The following DDX60 variants were observed in gnomAD, a reference collection of about 807,000 sequenced individuals.
The protein encoded by DDX60 is probable ATP-dependent RNA helicase DDX60.
A neutral mutation model predicts 212.8 loss-of-function variants in DDX60; 165 were observed. The observed-to-expected ratio is 0.78, with a 90% CI of 0.68 to 0.88. The LOEUF is 0.88. Ranked by LOEUF, DDX60 falls within the 40% of genes least tolerant of loss-of-function variation. The probability of loss-of-function intolerance (pLI) is 0.00; values close to 1 mark genes in which losing one functional copy is unlikely to be tolerated. For missense variants in DDX60, 1,905 were observed against 2,003.9 expected (o/e 0.95, Z 0.94); for synonymous variants, 703 against 685.3 (o/e 1.03, Z -0.40).
Position 168,264,460 on chromosome 4 carries a change from A to G in DDX60, c.3040-1673T>C, listed in dbSNP as rs569836161. Among the ~76,000 whole-genome samples, 14 of 152,298 alleles carry G rather than the reference A, an allele frequency of 9.2e-5. No individual in the cohort carries two copies. The South Asian group carries it at 2.7e-3, about 29-fold the overall frequency. On this transcript the variant is annotated intron_variant, in intron 22 of 37. Coordinates refer to ENST00000393743, the MANE Select transcript of DDX60 (RefSeq NM_017631.6). ...TGTTAGGTATTACTTGAAAGTGGTT[A>G]CTTATTCGACCTATCTAAAATAAAA...
At chr4:168,239,351 A>G (rs890280262) in intron 30 of DDX60, among the ~76,000 whole-genome samples, 1 of 151,594 alleles carries the variant, frequency 6.6e-6, no homozygotes, top group African/African-American at 2.4e-5. Flanking sequence ...GGTAGATAGC[A>G]GATAGCAGAG....
rs750085737 is a variant in DDX60, at chr4:168,306,707, G to A, written c.278C>T (p.Ala93Val). 6.8e-6 allele frequency: 11 copies of A among 1,609,854 alleles called. No individual in the cohort carries two copies. Among genetic ancestry groups the A allele is most frequent in the East Asian group, 2.2e-5 (1 of 44,806 alleles). Residue 93 changes from alanine to valine, a missense_variant, in exon 5 of 38, where the codon GCG becomes GTG. Transcript: ENST00000393743. ...AAGAAGTTCAGGGAAGTTGAAATAC[G>A]CATACTCGGCATCCTGTGGAGGAGG... ...TIVFFKDAEY[A>V]YFNFPELLSL...
chr4:168,218,080 CATCTT>C (rs1302817279), intron 37 of DDX60, among the ~76,000 whole-genome samples: 1 of 152,192 alleles, frequency 6.6e-6, no homozygotes, highest in Non-Finnish European at 1.5e-5. Context: ...CATGATCTGA[CATCTT>C]ATCAGCCTTT....
chr4:168,236,410 G>A, intron 32 of DDX60, 37 bp from the exon 33 acceptor site: 1 of 1,526,100 alleles, frequency 6.6e-7, no homozygotes, highest in South Asian at 1.2e-5. Context: ...AAATATGAAA[G>A]GGTATAATTC....
intron 6 of DDX60, among the ~76,000 whole-genome samples, chr4:168,299,053 C>G (rs1015968905): frequency 1.4e-5 from 2 of 147,536 alleles, no homozygotes; most frequent in Non-Finnish European, 3.0e-5. Context: ...CCCAGCTACT[C>G]GGAAGGCTGA....
chr4:168,272,853 T>A (rs925027188), intron 18 of DDX60, among the ~76,000 whole-genome samples: 21 of 152,348 alleles, frequency 1.4e-4, no homozygotes, highest in African/African-American at 4.8e-4. Context: ...TGTGAGTTCA[T>A]AAGGGTGAAA....
At chr4:168,279,368 C>T (rs1449123813) in intron 14 of DDX60, among the ~76,000 whole-genome samples, 1 of 152,208 alleles carries the variant, frequency 6.6e-6, no homozygotes, top group Non-Finnish European at 1.5e-5. Context: ...CCTCCAAATA[C>T]AAACTCACTG....
intron 7 of DDX60, among the ~76,000 whole-genome samples, chr4:168,292,893 T>C (rs1736171692): frequency 6.6e-6 from 1 of 152,230 alleles, no homozygotes; most frequent in Non-Finnish European, 1.5e-5. Context: ...CTATGTCTAG[T>C]TATGAAGAAA....
intron 33 of DDX60, 102 bp downstream of exon 33, chr4:168,236,150 A>G: frequency 9.1e-7 from 1 of 1,101,142 alleles, no homozygotes; most frequent in Non-Finnish European, 1.3e-6. Flanking sequence ...AAAACAAATG[A>G]ACTGCCCTTT....
intron 10 of DDX60, among the ~76,000 whole-genome samples, chr4:168,286,485 A>T (rs1051346101): frequency 6.0e-5 from 9 of 149,874 alleles, no homozygotes; most frequent in African/African-American, 2.2e-4. Context: ...ATGATAATAG[A>T]CAAATGAATG....
chr4:168,270,875 CTTTTTTT>C (rs759054592), intron 19 of DDX60, among the ~76,000 whole-genome samples: 1 of 110,880 alleles, frequency 9.0e-6, no homozygotes, highest in Non-Finnish European at 1.8e-5. Context: ...TTCTTTCTTT[CTTTTTTT>C]TTTTTTTTTT....
chr4:168,285,395 C>T lies in DDX60; in HGVS notation c.1443G>A (p.Lys481=). The change falls in exon 11 of 38, where the codon AAG becomes AAA. Residue 481 remains lysine (K), a splice_region_variant and synonymous_variant. Coordinates refer to ENST00000393743, the MANE Select transcript of DDX60 (RefSeq NM_017631.6). ...AGGCACAGTTTTTGGCCTTATACCT[C>T]TTTAGAAAAGGCAAATCTTTCAAAA... ...GDILKDLPFL[K]SDDPIVTSLV... is the part of the protein sequence containing the mutation. 2 of 1,604,346 alleles carry T rather than the reference C, an allele frequency of 1.2e-6. No homozygotes were observed. The highest frequency in any genetic ancestry group is 2.2e-5 in the South Asian group (2 of 89,790).
chr4:168,273,488 G>T, intron 17 of DDX60, 90 bp from the exon 18 acceptor site: 1 of 1,500,840 alleles, frequency 6.7e-7, no homozygotes, highest in Non-Finnish European at 9.1e-7. Flanking sequence ...AGTGTGTCCT[G>T]CTTTCAGTGC....
chr4:168,281,817 T>C (rs1469222354), intron 13 of DDX60, among the ~76,000 whole-genome samples: 2 of 152,200 alleles, frequency 1.3e-5, no homozygotes, highest in African/African-American at 4.8e-5. Context: ...CAAATAATTC[T>C]AATCAATAAT....
At chr4:168,296,585 G>T (rs1014368237) in intron 6 of DDX60, among the ~76,000 whole-genome samples, 15 of 152,024 alleles carry the variant, frequency 9.9e-5, no homozygotes, top group African/African-American at 3.6e-4. Context: ...CAAGCTGGCA[G>T]AAAAAGATAA....
intron 27 of DDX60, 49 bp from the exon 28 acceptor site, chr4:168,251,155 T>C (rs780346564): frequency 4.0e-6 from 6 of 1,518,642 alleles, no homozygotes; most frequent in Non-Finnish European, 5.3e-6. Context: ...TTAATTATAA[T>C]TAAAAATGTC....
chr4:168,274,643 T>C (rs913341471), intron 16 of DDX60, among the ~76,000 whole-genome samples: 8 of 151,988 alleles, frequency 5.3e-5, no homozygotes, highest in African/African-American at 1.5e-4. Context: ...ATCAGAAGAG[T>C]TACAATGTGA....
chr4:168,298,039 A>G (rs1034634099), intron 6 of DDX60, among the ~76,000 whole-genome samples: 1 of 151,896 alleles, frequency 6.6e-6, no homozygotes, highest in South Asian at 2.1e-4. Context: ...TCAGAAACCA[A>G]ATAGTGAAAG....
At chr4:168,233,894 T>C (rs1396464952) in intron 33 of DDX60, among the ~76,000 whole-genome samples, 1 of 152,054 alleles carries the variant, frequency 6.6e-6, no homozygotes, top group Non-Finnish European at 1.5e-5. Flanking sequence ...TATGTGGTCA[T>C]CCGGAAAAGT....
Sources: gnomAD v4.1 joint callset for allele counts (sites outside exome capture counted in the v4.1 genomes callset) on GRCh38, gnomAD v4.1.1 for gene constraint, MANE v1.5 for transcripts, NCBI Gene and HGNC (gene_info 2026-07-23, HGNC 2026-07-21) for gene names.